Variants in SYTL2 observed in about 807,000 individuals in gnomAD.
The protein encoded by SYTL2 is synaptotagmin like 2, also known as synaptotagmin-like protein 2.
Under a neutral mutation model 198.7 loss-of-function variants are expected in SYTL2, and 165 were observed. The ratio of observed to expected loss-of-function variants is 0.83; its 90% CI spans 0.73 to 0.94. The LOEUF (loss-of-function observed/expected upper bound fraction) is 0.94. SYTL2 is among the 40% of genes least tolerant of loss of function. The pLI is 0.00. For missense variants in SYTL2, 2,835 were observed against 2,582.8 expected (o/e 1.10, Z -2.12); for synonymous variants, 966 against 917.7 (o/e 1.05, Z -0.95).
intron 8 of SYTL2, among the ~76,000 whole-genome samples, 158 bp downstream of exon 8, chr11:85,723,874 A>AT (rs1197723972): frequency 2.0e-5 from 3 of 151,272 alleles, no homozygotes; most frequent in Non-Finnish European, 4.4e-5. Flanking sequence ...AATATAAATA[A>AT]TTTTTTTAAT....
intron 1 of SYTL2, among the ~76,000 whole-genome samples, chr11:85,777,487 G>A (rs899124025): frequency 1.7e-4 from 26 of 152,096 alleles, no homozygotes; most frequent in Non-Finnish European, 2.6e-4. Flanking sequence ...TAATTAATGA[G>A]CACCCTGAAC....
chr11:85,765,419 T>G (rs1043123863), intron 1 of SYTL2, among the ~76,000 whole-genome samples: 2 of 152,176 alleles, frequency 1.3e-5, no homozygotes, highest in South Asian at 2.1e-4. Flanking sequence ...GTGTGTTTAG[T>G]AGAGACGGGG....
At chr11:85,757,180 T>C (rs2091912860) in intron 2 of SYTL2, among the ~76,000 whole-genome samples, 1 of 152,234 alleles carries the variant, frequency 6.6e-6, no homozygotes, top group Non-Finnish European at 1.5e-5. Flanking sequence ...AATTCCAACA[T>C]TTCTGAAAGC....
chr11:85,789,446 G>T (rs2092699749), intron 1 of SYTL2, among the ~76,000 whole-genome samples: 1 of 127,202 alleles, frequency 7.9e-6, no homozygotes, highest in Non-Finnish European at 1.6e-5. Flanking sequence ...TCTTGCACAG[G>T]CTGGTTTTGA....
At chr11:85,739,800 G>A (rs2090649394) in intron 4 of SYTL2, among the ~76,000 whole-genome samples, 1 of 152,130 alleles carries the variant, frequency 6.6e-6, no homozygotes, top group Admixed American at 6.5e-5. Context: ...TTTGAACCCA[G>A]GTGTGTCTGA....
Position 85,736,512 on chromosome 11 carries a change from G to C in SYTL2, c.575C>G (p.Thr192Ser). ...AAAATAATATTTACCCTCTTTTGAA[G>C]TCTGAAATAAACCAGTTCTTCCATT... is the stretch of plus-strand genomic sequence containing the variant. ...SKNGRTGLFQ[T>S]SKEDELSESK... The change falls in exon 6 of 20, where the codon ACT becomes AGT. Residue 192 changes from threonine to serine, a missense_variant. Coordinates refer to ENST00000359152, the MANE Select transcript of SYTL2 (RefSeq NM_206927.4). 1 of 1,557,802 alleles carries C rather than the reference G, an allele frequency of 6.4e-7. No individual in the cohort carries two copies. The highest frequency in any genetic ancestry group is 8.8e-7 in the Non-Finnish European group (1 of 1,132,822).
Position 85,734,561 on chromosome 11 carries a change from A to G in SYTL2, c.768T>C (p.Phe256=). 6.2e-7 allele frequency: 1 copy of G among 1,614,214 alleles called. No homozygotes were observed. The highest frequency in any genetic ancestry group is 8.5e-7 in the Non-Finnish European group (1 of 1,180,036). The change falls in exon 7 of 20, where the codon TTT becomes TTC. Residue 256 remains phenylalanine, a synonymous_variant. Coordinates refer to ENST00000359152, the MANE Select transcript of SYTL2 (RefSeq NM_206927.4). ...TCAGGGAGTCTGTCCTTTGTCTAGG[A>G]AAAGACTGGTTATCATCTTTGTTTA... ...TDLNKDDNQS[F]PRQRTDSLKA...
chr11:85,762,262 C>T (rs975677294), intron 1 of SYTL2, among the ~76,000 whole-genome samples: 12 of 152,278 alleles, frequency 7.9e-5, no homozygotes, highest in Non-Finnish European at 1.8e-4. Context: ...ATTTTGGCTA[C>T]TACAGTGTCT....
intron 1 of SYTL2, among the ~76,000 whole-genome samples, chr11:85,806,983 C>T (rs952486234): frequency 1.3e-5 from 2 of 152,250 alleles, no homozygotes; most frequent in East Asian, 1.9e-4. Context: ...TCCAGGAGCA[C>T]GGCGTATGCC....
chr11:85,708,397 C>T (rs1392972419), intron 14 of SYTL2, among the ~76,000 whole-genome samples: 2 of 151,992 alleles, frequency 1.3e-5, no homozygotes, highest in East Asian at 1.9e-4. Flanking sequence ...AAGGATTGCA[C>T]TTGTCTCAGC....
chr11:85,739,344 A>T (rs35499858), intron 4 of SYTL2, among the ~76,000 whole-genome samples: 1 of 147,574 alleles, frequency 6.8e-6, no homozygotes, highest in Non-Finnish European at 1.5e-5. Context: ...TGTTTCCGCT[A>T]TTCGGAAAGA....
intron 6 of SYTL2, among the ~76,000 whole-genome samples, chr11:85,735,582 C>A (rs549117943): frequency 6.6e-6 from 1 of 152,124 alleles, no homozygotes; most frequent in East Asian, 1.9e-4. Flanking sequence ...AAGGGTGAAA[C>A]CTCATTTCTA....
chr11:85,757,033 A>C (rs1296040752), intron 2 of SYTL2, among the ~76,000 whole-genome samples: 1 of 152,212 alleles, frequency 6.6e-6, no homozygotes, highest in East Asian at 1.9e-4. Flanking sequence ...AGGTGAATGA[A>C]AGTGGCAGGA....
chr11:85,852,788 G>C, the SYTL2 span: 1 of 242,464 alleles, frequency 4.1e-6, no homozygotes, highest in Non-Finnish European at 8.1e-6. Flanking sequence ...CCTCTGCCCG[G>C]CCGCCACCCC....
rs561217366 is a variant in SYTL2 at position 85,736,890 on chromosome 11, A to C, written c.472-275T>G. On this transcript the variant is annotated intron_variant, in intron 5 of 19. Coordinates refer to ENST00000359152, the MANE Select transcript of SYTL2 (RefSeq NM_206927.4). ...AAATCCCACATTTTACAGGTGAAAA[A>C]ACTTGGCCCCGGATATAGCAAAGAC... 2.0e-5 allele frequency among the ~76,000 whole-genome samples: 3 copies of C among 152,278 alleles called. No homozygotes were observed. The South Asian group carries it at 6.2e-4, about 32-fold the overall frequency.
At chr11:85,833,969 C>T in the SYTL2 span, among the ~76,000 whole-genome samples, 3,206 of 151,972 alleles carry the variant, frequency 0.021, 51 homozygotes, top group Middle Eastern at 0.078. Context: ...AAACTCCTGA[C>T]CTCAAGTGAT....
At chr11:85,775,068 A>C (rs758282468) in intron 1 of SYTL2, among the ~76,000 whole-genome samples, 1 of 152,138 alleles carries the variant, frequency 6.6e-6, no homozygotes, top group Non-Finnish European at 1.5e-5. Flanking sequence ...CTTAGGGAGA[A>C]AGAGATGAAT....
At chr11:85,719,048 G>A (rs1387556351) in intron 9 of SYTL2, 12 of 1,516,078 alleles carry the variant, frequency 7.9e-6, no homozygotes, top group African/African-American at 4.1e-5. Flanking sequence ...ATTTCAGCCC[G>A]GATGCAGCTC....
chr11:85,736,660 C>T, intron 5 of SYTL2, 45 bp from the exon 6 acceptor site: 1 of 1,049,986 alleles, frequency 9.5e-7, no homozygotes, highest in Non-Finnish European at 1.5e-6. Context: ...AATGTCATGA[C>T]AGCAACTCAG....
Sources: allele counts gnomAD v4.1 joint callset (sites outside exome capture counted in the v4.1 genomes callset), GRCh38; gene constraint gnomAD v4.1.1; transcripts MANE v1.5; gene names NCBI Gene and HGNC (gene_info 2026-07-23, HGNC 2026-07-21).